TELO2: variants seen among roughly 807,000 people sequenced by gnomAD.
TELO2 encodes the protein telomere length regulation protein TEL2 homolog.
TELO2 carries 71 observed loss-of-function variants against 91.0 expected under a neutral mutation model. The ratio of observed to expected loss-of-function variants is 0.78; its 90% CI spans 0.64 to 0.95. The LOEUF is 0.95. Ranked by LOEUF, TELO2 falls within the 40% of genes least tolerant of loss-of-function variation. TELO2 has a pLI of 0.00. For synonymous variants in TELO2, 584 were observed against 518.9 expected, an observed-to-expected ratio of 1.13 and a Z score of -1.71; for missense variants, 1,183 against 1,141.3, an observed-to-expected ratio of 1.04 and a Z score of -0.53.
intron 6 of TELO2, among the ~76,000 whole-genome samples, chr16:1,499,558 C>T (rs913580911): frequency 5.9e-5 from 8 of 136,288 alleles, no homozygotes; most frequent in African/African-American, 1.1e-4. Flanking sequence ...TCTAGACTCC[C>T]GAGAAGCCAC....
chr16:1,506,049 T>C (rs1183917086), intron 16 of TELO2, among the ~76,000 whole-genome samples, 189 bp from the exon 17 acceptor site: 2 of 152,228 alleles, frequency 1.3e-5, no homozygotes, highest in African/African-American at 4.8e-5. Flanking sequence ...TGTCCAGGCA[T>C]TGGCCGCGGA....
At position 1,506,965 on chromosome 16, in the gene TELO2, T is replaced by C; in HGVS notation, c.2140T>C (p.Phe714Leu). Residue 714 changes from phenylalanine to leucine, a missense_variant, in exon 18 of 21, where the codon TTC (phenylalanine) becomes CTC (leucine). Coordinates refer to ENST00000262319, the MANE Select transcript of TELO2 (RefSeq NM_016111.4). The stretch of plus-strand genomic sequence containing the variant: ...CCTGTGCTCTAGGCCTCTGGTGACC[T>C]TCGACCTCTTGGGAGAAGACCAGCT... ...LQRFDRPLVT[F>L]DLLGEDQLVL... 6.2e-7 allele frequency: 1 copy of C among 1,610,580 alleles called. No individual in the cohort carries two copies. Among genetic ancestry groups the C allele is most frequent in the Non-Finnish European group, 8.5e-7 (1 of 1,178,482 alleles).
intron 3 of TELO2, among the ~76,000 whole-genome samples, chr16:1,496,046 G>A (rs747407955): frequency 9.2e-5 from 14 of 152,258 alleles, no homozygotes; most frequent in Non-Finnish European, 1.6e-4. Flanking sequence ...GCTGCCGCGA[G>A]TGTGCGTTTC....
rs1386234723 is a variant in TELO2 at position 1,502,309 on chromosome 16, G to A, written c.1562-4G>A. The A allele has an allele frequency of 5.6e-6, 9 of 1,601,824 alleles. No homozygotes were observed. Among genetic ancestry groups the A allele is most frequent in the East Asian group, 2.2e-5 (1 of 44,472 alleles). On this transcript the variant is annotated splice_region_variant and splice_polypyrimidine_tract_variant and intron_variant, in intron 12 of 20. Coordinates refer to ENST00000262319, the MANE Select transcript of TELO2 (RefSeq NM_016111.4). ...TGACCGAGGCCTCTCTGGGTTCTGTGCAGCCCTGACCACGTCTGAGGACAT... is the reference window on the plus strand; with the variant it reads ...TGACCGAGGCCTCTCTGGGTTCTGTACAGCCCTGACCACGTCTGAGGACAT...
rs370972129 is a variant in TELO2 at position 1,501,145 on chromosome 16, C to T, written c.1282-275C>T. Among the ~76,000 whole-genome samples, 50 of 152,346 alleles carry T rather than the reference C, an allele frequency of 3.3e-4. 1 individual carries two copies. The East Asian group carries it at 4.4e-3, about 14-fold the overall frequency. The stretch of plus-strand genomic sequence containing the variant: ...GGCCTGTCCTCTTATCTGCTGAGAA[C>T]CTGGGATCTCTCTGGGGCATTGGCC... On this transcript the variant is annotated intron_variant, in intron 9 of 20. Transcript: ENST00000262319.
At chr16:1,507,159 G>A in intron 18 of TELO2, 108 bp downstream of exon 18, 2 of 1,488,848 alleles carry the variant, frequency 1.3e-6, no homozygotes, top group African/African-American at 1.4e-5. Flanking sequence ...GGGGCTGCCT[G>A]TGTGGGCCCC....
intron 20 of TELO2, 133 bp downstream of exon 20, chr16:1,507,849 GGTGTGTGTGTGT>G (rs560652753): frequency 0.016 from 4,825 of 305,898 alleles, 46 homozygotes; most frequent in South Asian, 0.04. Context: ...GTTGGCCCGG[GGTGTGTGTGTGT>G]GTGTGTGTGT....
chr16:1,494,614 G>C lies in TELO2; in HGVS notation c.333G>C (p.Ala111=). The C allele has an allele frequency of 6.2e-7, 1 of 1,610,836 alleles. No individual in the cohort carries two copies. The highest frequency in any genetic ancestry group is 2.2e-5 in the East Asian group (1 of 44,786). Residue 111 remains alanine, a splice_region_variant and synonymous_variant, in exon 2 of 21, where the codon GCG becomes GCC. Transcript: ENST00000262319. This position sits in a 1 kb window ranked among gnomAD's most constrained non-coding sequence, Gnocchi z 5.6. ...TGATGGAGACCATCGAGGGTGCTGC[G>C]GGGTGAGTGGGCTGGGCCCATCCTG... ...LVLMETIEGA[A]GPSFRLMKMA... is the part of the protein sequence containing the mutation.
rs1160126772 is a variant in TELO2 at position 1,500,069 on chromosome 16, GTGGACAGGCA to G, written c.934-24_934-15del. The G allele has an allele frequency of 6.3e-7, 1 of 1,599,630 alleles. No homozygotes were observed. The highest frequency in any genetic ancestry group is 1.3e-5 in the African/African-American group (1 of 74,704). The stretch of plus-strand genomic sequence containing the variant: ...CTGGCCAGGCGGCGGCCTCAGCCCA[GTGGACAGGCA>G]TGTGCTTTTATTGCAGACGCCCATG... On this transcript the variant is annotated splice_polypyrimidine_tract_variant and intron_variant, in intron 6 of 20. Transcript: ENST00000262319.
Position 1,497,608 on chromosome 16 carries a change from A to T in TELO2, c.830+100A>T, listed in dbSNP as rs1047630079. ...CTACTTCTCCTGGGCGCCGTGCTGC[A>T]GCTGGCACCCCCATGTAGGTGCCAC... On this transcript the variant is annotated intron_variant, in intron 5 of 20. Coordinates refer to ENST00000262319, the MANE Select transcript of TELO2 (RefSeq NM_016111.4). The surrounding 1 kb of genome is among the most constrained non-coding windows in gnomAD (Gnocchi z 4.0). 7.0e-7 allele frequency: 1 copy of T among 1,434,100 alleles called. No individual in the cohort carries two copies. The highest frequency in any genetic ancestry group is 9.2e-7 in the Non-Finnish European group (1 of 1,085,924). The allele number at this position is 1,434,100 out of a possible 1,614,324, so 88.8% of individuals were successfully genotyped here.
Position 1,495,610 on chromosome 16 carries a change from G to T in TELO2, c.600G>T (p.Val200=). The stretch of plus-strand genomic sequence containing the variant: ...TCGTCCGGGTGCTGCAGGCGGTTGT[G>T]GACTCTCTCCAAGGTGAGGCCCTGC... ...EEVVRVLQAV[V]DSLQGGLDSS... Residue 200 remains valine, a synonymous_variant, in exon 3 of 21, where the codon GTG becomes GTT. Coordinates refer to ENST00000262319, the MANE Select transcript of TELO2 (RefSeq NM_016111.4). 6.3e-7 allele frequency: 1 copy of T among 1,599,546 alleles called. No individual in the cohort carries two copies. Among genetic ancestry groups the T allele is most frequent in the South Asian group, 1.1e-5 (1 of 90,414 alleles).
At chr16:1,502,793 G>A in intron 14 of TELO2, 32 bp downstream of exon 14, 1 of 1,607,518 alleles carries the variant, frequency 6.2e-7, no homozygotes, top group East Asian at 2.2e-5. Flanking sequence ...CCTGGCCAGT[G>A]CAGGCACAGC....
rs150708429 is a variant in TELO2 at position 1,494,286 on chromosome 16, A to T, written c.5A>T (p.Glu2Val). M[E>V]PAPSEVRLAV... ...CGCCCAGATCTGTCCTGCAGGATGG[A>T]GCCAGCACCCTCAGAGGTTCGACTC... is the stretch of plus-strand genomic sequence containing the variant. The change falls in exon 2 of 21, where the codon GAG (glutamate) becomes GTG (valine). Residue 2 changes from glutamate to valine, a missense_variant. By Grantham distance (121) the Glu-to-Val change is moderately radical (BLOSUM62 -2). Coordinates refer to ENST00000262319, the MANE Select transcript of TELO2 (RefSeq NM_016111.4). This position sits in a 1 kb window ranked among gnomAD's most constrained non-coding sequence, Gnocchi z 5.6. 6.2e-7 allele frequency: 1 copy of T among 1,612,100 alleles called. No homozygotes were observed. Among genetic ancestry groups the T allele is most frequent in the Non-Finnish European group, 8.5e-7 (1 of 1,179,248 alleles).
chr16:1,506,691 G>T lies in TELO2; in HGVS notation c.2127-261G>T, dbSNP rs1891389593. ...GTGAGGCTCTCGAGATGGCAGAGAAGTGTGGGGCCTGGGTTGTGCTGCAGC... is the reference window on the plus strand; with the variant it reads ...GTGAGGCTCTCGAGATGGCAGAGAATTGTGGGGCCTGGGTTGTGCTGCAGC... On this transcript the variant is annotated intron_variant, in intron 17 of 20. Transcript: ENST00000262319. 3 of 1,379,334 alleles carry T rather than the reference G, an allele frequency of 2.2e-6. No homozygotes were observed. The African/African-American group carries it at 4.4e-5, about 20-fold the overall frequency. 85.4% of individuals were successfully genotyped at this position (1,379,334 alleles called of 1,614,324 possible).
intron 13 of TELO2, 70 bp from the exon 14 acceptor site, chr16:1,502,575 G>A: frequency 1.3e-6 from 2 of 1,564,870 alleles, no homozygotes; most frequent in Non-Finnish European, 1.7e-6. Flanking sequence ...CTCCGGCCCT[G>A]TGAGCCTCGG....
Position 1,502,668 on chromosome 16 carries a change from G to C in TELO2, c.1677G>C (p.Val559=). ...TREVSVELAK[V]LLHLEEKTCV... ...AGGTGAGCGTGGAGCTGGCCAAGGT[G>C]CTTCTGCATCTGGAGGAGAAGACCT... Residue 559 remains valine (V), a synonymous_variant, in exon 14 of 21, where the codon GTG becomes GTC. Coordinates refer to ENST00000262319, the MANE Select transcript of TELO2 (RefSeq NM_016111.4). 1.2e-6 allele frequency: 2 copies of C among 1,612,306 alleles called. No individual in the cohort carries two copies. Among genetic ancestry groups the C allele is most frequent in the Non-Finnish European group, 1.7e-6 (2 of 1,179,848 alleles).
Position 1,507,323 on chromosome 16 carries a change from CA to C in TELO2, c.2246del (p.Lys749ArgfsTer42). On this transcript the variant is annotated frameshift_variant, in exon 19 of 21. Transcript: ENST00000262319. LOFTEE classifies it high-confidence loss of function. The stretch of plus-strand genomic sequence containing the variant: ...GTGTCCAGGTGGCTGTGGCCATGGG[CA>C]AGGCCCTGCTGGAATTCGTGTGGGC... The part of the protein sequence containing the change: ...VNTTVAVAMG[K>X]ALLEFVWALR... 6.2e-7 allele frequency: 1 copy of C among 1,610,168 alleles called. No homozygotes were observed.
rs2039643417 is a variant in TELO2 at position 1,500,555 on chromosome 16, G to A, written c.1145-8G>A. On this transcript the variant is annotated splice_polypyrimidine_tract_variant and splice_region_variant and intron_variant, in intron 8 of 20. Transcript: ENST00000262319. ...GAGGTGCTCAGGGGGCCTGTCCGGT[G>A]CTTGCAGAACTGCTGGCCAGCATGA... 1.2e-6 allele frequency: 2 copies of A among 1,611,490 alleles called. No homozygotes were observed. The highest frequency in any genetic ancestry group is 1.3e-5 in the African/African-American group (1 of 74,912).
At position 1,495,613 on chromosome 16, in the gene TELO2, C is replaced by CT; in HGVS notation, c.604dup (p.Ser202PhefsTer78). The CT allele has an allele frequency of 6.3e-7, 1 of 1,599,000 alleles. No homozygotes were observed. The highest frequency in any genetic ancestry group is 2.2e-5 in the East Asian group (1 of 44,506). ...TCCGGGTGCTGCAGGCGGTTGTGGA[C>CT]TCTCTCCAAGGTGAGGCCCTGCCTC... On this transcript the variant is annotated frameshift_variant, in exon 3 of 21. Coordinates refer to ENST00000262319, the MANE Select transcript of TELO2 (RefSeq NM_016111.4). LOFTEE classifies it high-confidence loss of function.
Sources: allele counts gnomAD v4.1 joint callset (sites outside exome capture counted in the v4.1 genomes callset), GRCh38; gene constraint gnomAD v4.1.1; non-coding constraint Gnocchi (gnomAD v3.1); transcripts MANE v1.5; gene names NCBI Gene and HGNC (gene_info 2026-07-23, HGNC 2026-07-21).